The following GON4L variants were observed in gnomAD, a reference collection of about 807,000 sequenced individuals.
The protein encoded by GON4L is GON-4-like protein.
In GON4L, 87 loss-of-function variants were observed where a neutral mutation model predicts 211.8. The ratio of observed to expected loss-of-function variants is 0.41; its 90% confidence interval spans 0.35 to 0.49. GON4L has a LOEUF of 0.49. GON4L is among the 20% of genes least tolerant of loss of function. The pLI, the probability that GON4L is intolerant of heterozygous loss-of-function variation, is 0.15. For synonymous variants in GON4L, 875 were observed against 962.6 expected (o/e 0.91, Z 1.68); for missense variants, 2,155 against 2,659.5 (o/e 0.81, Z 4.17).
intron 10 of GON4L, among the ~76,000 whole-genome samples, chr1:155,807,703 C>CAA (rs61248477): frequency 2.6e-4 from 14 of 52,890 alleles, no homozygotes; most frequent in African/African-American, 8.2e-4. Flanking sequence ...GACTCCGTCT[C>CAA]AAAAAAAAAA....
At chr1:155,782,563 T>C (rs1571725028) in intron 14 of GON4L, among the ~76,000 whole-genome samples, 2 of 152,200 alleles carry the variant, frequency 1.3e-5, no homozygotes, top group South Asian at 4.1e-4. Flanking sequence ...TTTCACAGAA[T>C]GTATCACCAT....
rs1173444514 is a variant in GON4L at position 155,800,839 on chromosome 1, ACT to A, written c.1645+4108_1645+4109del. ...ACTCTAGCTTGGGCAACAGAGCCAG[ACT>A]CTGTCTCAGAAAAAAAAAAAAAAAA... On this transcript the variant is annotated intron_variant, in intron 11 of 31. Transcript: ENST00000368331. Among the ~76,000 whole-genome samples, 9 of 138,834 alleles carry A rather than the reference ACT, an allele frequency of 6.5e-5. No individual in the cohort carries two copies. The Admixed American group carries it at 7.1e-4, about 11-fold the overall frequency. The allele number at this position is 138,834 out of a possible 152,430, so 91.1% of individuals were successfully genotyped here. A position where few individuals can be genotyped will look rare whatever the true frequency, so the allele number is the denominator to read the frequency against.
chr1:155,756,833 G>A (rs558284726), intron 27 of GON4L, 125 bp downstream of exon 27: 5 of 693,724 alleles, frequency 7.2e-6, no homozygotes, highest in South Asian at 7.0e-5. Context: ...AGAGGCTGAG[G>A]TGGGAGAATC....
In GON4L at chr1:155,771,170, T is replaced by C; in HGVS notation, c.2543A>G (p.Asn848Ser). ...TAGAAGGTACTTGCTGATTAGAGGA[T>C]TAGGAAACTCAGTTCCTTCAAAATG... is the stretch of plus-strand genomic sequence containing the variant. ...LKHFEGTEFP[N>S]PLISKYLLTC... The change falls in exon 19 of 32, where the codon AAT becomes AGT. Residue 848 changes from asparagine to serine, a missense_variant. Physicochemically the swap from Asn to Ser is conservative, Grantham distance 46. Coordinates refer to ENST00000368331, the MANE Select transcript of GON4L (RefSeq NM_001282860.2). The C allele has an allele frequency of 6.2e-7, 1 of 1,614,150 alleles. No individual in the cohort carries two copies. The highest frequency in any genetic ancestry group is 8.5e-7 in the Non-Finnish European group (1 of 1,180,008).
Position 155,754,532 on chromosome 1 carries a change from T to G in GON4L, c.5518-44A>C, listed in dbSNP as rs573399449. ...TGATTAGCTGCCAAGTTGTTTTTTTTTTTTTTTTTTTTTTTGAGACAGAGT... is the reference window on the plus strand; with the variant it reads ...TGATTAGCTGCCAAGTTGTTTTTTTGTTTTTTTTTTTTTTTGAGACAGAGT... On this transcript the variant is annotated intron_variant, in intron 27 of 31. Transcript: ENST00000368331. 7 of 1,173,366 alleles carry G rather than the reference T, an allele frequency of 6.0e-6. No homozygotes were observed. In the Admixed American group the frequency reaches 6.4e-5, roughly 11 times the overall value. The allele number at this position is 1,173,366 out of a possible 1,614,324, so 72.7% of individuals were successfully genotyped here. A position where few individuals can be genotyped will look rare whatever the true frequency, so the allele number is the denominator to read the frequency against.
intron 14 of GON4L, 103 bp from the exon 15 acceptor site, chr1:155,777,923 C>T: frequency 1.3e-6 from 1 of 750,472 alleles, no homozygotes; most frequent in South Asian, 1.4e-5. Context: ...ATTTTCATTC[C>T]CTACTAATCC....
At chr1:155,836,644 TGTTA>T (rs1670347476) in intron 2 of GON4L, among the ~76,000 whole-genome samples, 1 of 152,228 alleles carries the variant, frequency 6.6e-6, no homozygotes. Context: ...GTCTCTGGGT[TGTTA>T]GTCAGTTCGT....
chr1:155,766,234 C>G lies in GON4L; in HGVS notation c.3239G>C (p.Arg1080Thr), dbSNP rs756150966. The G allele has an allele frequency of 6.2e-7, 1 of 1,614,152 alleles. No homozygotes were observed. The highest frequency in any genetic ancestry group is 8.5e-7 in the Non-Finnish European group (1 of 1,180,020). The change falls in exon 21 of 32, where the codon AGG (arginine) becomes ACG (threonine). Residue 1080 changes from arginine (R) to threonine (T), a missense_variant. Arg to Thr is a moderately conservative substitution (Grantham distance 71). Coordinates refer to ENST00000368331, the MANE Select transcript of GON4L (RefSeq NM_001282860.2). ...GGACTCAGACAGAGGGAAGCTTGTC[C>G]TGGCCTCAGGGGGCACAGCAGGCAG... Reference protein sequence around the residue: ...AALPAVPPEARTSFPLSESQT... With the variant: ...AALPAVPPEATTSFPLSESQT...
chr1:155,844,496 C>T (rs1056644324), intron 2 of GON4L, among the ~76,000 whole-genome samples: 2 of 152,110 alleles, frequency 1.3e-5, no homozygotes, highest in Non-Finnish European at 2.9e-5. Context: ...GTGGCTCACG[C>T]CTGTAATACC....
intron 2 of GON4L, among the ~76,000 whole-genome samples, chr1:155,841,227 A>C (rs1670745917): frequency 6.6e-6 from 1 of 152,190 alleles, no homozygotes; most frequent in African/African-American, 2.4e-5. Flanking sequence ...TTTGTTTGAA[A>C]CATTGCTAAT....
chr1:155,837,134 T>C (rs1305476595), intron 2 of GON4L, among the ~76,000 whole-genome samples: 1 of 152,152 alleles, frequency 6.6e-6, no homozygotes, highest in Non-Finnish European at 1.5e-5. Flanking sequence ...CAACTTCTTC[T>C]AGTCCCTCCT....
At chr1:155,771,016 A>G (rs768904059) in intron 19 of GON4L, 51 bp downstream of exon 19, 2 of 1,611,330 alleles carry the variant, frequency 1.2e-6, no homozygotes, top group Admixed American at 1.7e-5. Context: ...AGATAAAAGA[A>G]TGGGTACATA....
At chr1:155,828,306 T>G (rs1169012952) in intron 2 of GON4L, among the ~76,000 whole-genome samples, 1 of 145,994 alleles carries the variant, frequency 6.8e-6, no homozygotes, top group Non-Finnish European at 1.5e-5. Flanking sequence ...CTGGCCAACA[T>G]GATGAAACCT....
intron 2 of GON4L, among the ~76,000 whole-genome samples, chr1:155,843,538 C>G (rs1263577122): frequency 6.6e-6 from 1 of 152,166 alleles, no homozygotes; most frequent in African/African-American, 2.4e-5. Context: ...CTCCAGTGTA[C>G]TAATGATACT....
intron 28 of GON4L, chr1:155,754,019 C>T: frequency 2.8e-6 from 1 of 361,472 alleles, no homozygotes; most frequent in Non-Finnish European, 5.3e-6. Context: ...AACTCCTTCT[C>T]TCACCAAGAA....
intron 24 of GON4L, among the ~76,000 whole-genome samples, chr1:155,759,265 C>T (rs1661511752): frequency 6.6e-6 from 1 of 151,990 alleles, no homozygotes; most frequent in African/African-American, 2.4e-5. Context: ...ACCTGGCTGA[C>T]ATTATCTCTT....
chr1:155,821,051 G>C (rs1321327020), intron 5 of GON4L, among the ~76,000 whole-genome samples: 4 of 152,198 alleles, frequency 2.6e-5, no homozygotes, highest in Non-Finnish European at 5.9e-5. Context: ...CGGATCACAA[G>C]GTCAGGAGAT....
intron 18 of GON4L, among the ~76,000 whole-genome samples, chr1:155,772,589 A>C (rs1172107133): frequency 6.8e-6 from 1 of 147,106 alleles, no homozygotes; most frequent in Non-Finnish European, 1.5e-5. Context: ...CCTCATCTCT[A>C]CAAAAAAAAA....
intron 11 of GON4L, among the ~76,000 whole-genome samples, chr1:155,796,021 CA>C (rs1666033546): frequency 6.6e-6 from 1 of 151,970 alleles, no homozygotes; most frequent in Non-Finnish European, 1.5e-5. Flanking sequence ...ATCTGAAATC[CA>C]AAATACTTCC....
Sources: gnomAD v4.1 joint callset for allele counts (sites outside exome capture counted in the v4.1 genomes callset) on GRCh38, gnomAD v4.1.1 for gene constraint, MANE v1.5 for transcripts, NCBI Gene and HGNC (gene_info 2026-07-23, HGNC 2026-07-21) for gene names.